Variants in FLNB observed in about 807,000 individuals in gnomAD.
FLNB encodes the protein filamin B.
Under a neutral mutation model 250.6 loss-of-function variants are expected in FLNB, and 111 were observed. The observed-to-expected ratio is 0.44, with a 90% CI of 0.38 to 0.52. The LOEUF (loss-of-function observed/expected upper bound fraction) is 0.52, where lower values mean the gene tolerates loss of function less well. Ranked by LOEUF, FLNB falls within the 20% of genes least tolerant of loss-of-function variation. FLNB has a pLI of 0.00. For synonymous variants in FLNB, 1,302 were observed against 1,372.1 expected, an observed-to-expected ratio of 0.95 and a Z score of 1.13; for missense variants, 2,869 against 3,447.8, an observed-to-expected ratio of 0.83 and a Z score of 4.20.
At chr3:58,028,084 G>A (rs965232768) in intron 1 of FLNB, among the ~76,000 whole-genome samples, 2 of 152,208 alleles carry the variant, frequency 1.3e-5, no homozygotes, top group African/African-American at 4.8e-5. Flanking sequence ...AGAGAATAAC[G>A]TCTTTTTGTG....
chr3:58,147,014 G>T, intron 34 of FLNB, 21 bp downstream of exon 34: 2 of 1,613,064 alleles, frequency 1.2e-6, no homozygotes, highest in Non-Finnish European at 1.7e-6. Flanking sequence ...CTGGCTTCTG[G>T]GGTCTTCCTC....
Position 58,106,742 on chromosome 3 carries a change from T to C in FLNB, c.1810T>C (p.Cys604Arg). The change falls in exon 12 of 46, where the codon TGT (cysteine) becomes CGT (arginine). Residue 604 changes from cysteine to arginine, a missense_variant. Around this residue, in one of 5 missense-constraint regions of FLNB, gnomAD observed 1,348 missense variants for 1,466.7 expected, o/e 0.92. Coordinates refer to ENST00000295956, the MANE Select transcript of FLNB (RefSeq NM_001457.4). Reference sequence around the variant, plus strand: ...GTACAACGACCAGAATGATGGATCGTGTGATGTCAAATACTGGCCCAAGGA... The same window carrying C: ...GTACAACGACCAGAATGATGGATCGCGTGATGTCAAATACTGGCCCAAGGA... ...IEYNDQNDGS[C>R]DVKYWPKEPG... 6.2e-7 allele frequency: 1 copy of C among 1,614,084 alleles called. No homozygotes were observed. The highest frequency in any genetic ancestry group is 8.5e-7 in the Non-Finnish European group (1 of 1,179,982).
intron 19 of FLNB, 139 bp downstream of exon 19, chr3:58,119,128 C>T (rs1446665417): frequency 8.1e-6 from 6 of 742,748 alleles, no homozygotes; most frequent in South Asian, 3.0e-5. Context: ...GACTTTGGTT[C>T]GAATTAAGGC....
chr3:58,076,339 C>T (rs2097201646), intron 1 of FLNB, among the ~76,000 whole-genome samples: 1 of 152,224 alleles, frequency 6.6e-6, no homozygotes, highest in African/African-American at 2.4e-5. Flanking sequence ...CATGTATACA[C>T]ATACACACGT....
At chr3:58,066,746 G>A (rs1409214206) in intron 1 of FLNB, among the ~76,000 whole-genome samples, 3 of 152,108 alleles carry the variant, frequency 2.0e-5, no homozygotes, top group African/African-American at 7.2e-5. Flanking sequence ...TAAAGGCATT[G>A]GGTGATGAAA....
At chr3:58,024,582 C>T (rs1051389820) in intron 1 of FLNB, among the ~76,000 whole-genome samples, 2 of 152,106 alleles carry the variant, frequency 1.3e-5, no homozygotes, top group African/African-American at 4.8e-5. Context: ...GCCAAAGATA[C>T]CGCCTCCTAC....
chr3:58,030,708 T>C (rs2097129639), intron 1 of FLNB, among the ~76,000 whole-genome samples: 1 of 152,136 alleles, frequency 6.6e-6, no homozygotes, highest in African/African-American at 2.4e-5. Context: ...ACCCCATCTC[T>C]ACTAAAAATA....
intron 14 of FLNB, 96 bp from the exon 15 acceptor site, chr3:58,109,480 C>T (rs1035882391): frequency 2.5e-6 from 4 of 1,606,532 alleles, no homozygotes; most frequent in Admixed American, 3.3e-5. Context: ...GTGCTCCAGC[C>T]TGCTCAGAAG....
intron 1 of FLNB, among the ~76,000 whole-genome samples, chr3:58,047,193 G>A (rs1200114919): frequency 6.6e-6 from 1 of 152,126 alleles, no homozygotes; most frequent in East Asian, 1.9e-4. Context: ...AAGAAAGTGT[G>A]TTTTCTTTTA....
chr3:58,074,346 G>A (rs911612738), intron 1 of FLNB, among the ~76,000 whole-genome samples: 1 of 152,216 alleles, frequency 6.6e-6, no homozygotes, highest in African/African-American at 2.4e-5. Context: ...AGGCAGGCAG[G>A]TCTTGCTCCC....
chr3:58,123,273 A>G lies in FLNB; in HGVS notation c.3307A>G (p.Lys1103Glu), dbSNP rs1335600592. 1 of 1,614,126 alleles carries G rather than the reference A, an allele frequency of 6.2e-7. No individual in the cohort carries two copies. The highest frequency in any genetic ancestry group is 2.2e-5 in the East Asian group (1 of 44,872). The change falls in exon 21 of 46, where the codon AAA becomes GAA. Residue 1103 changes from lysine (K) to glutamate (E), a missense_variant. This residue lies in a region of FLNB where 1,348 missense variants were observed against 1,466.7 expected (regional missense o/e 0.92). Transcript: ENST00000295956. ...CTGCTCCGTCTCTTACCTTCCCACA[A>G]AACCCGGGGAGTACTTCGTCAACAT... The part of the protein sequence containing the change: ...GTCSVSYLPT[K>E]PGEYFVNILF...
chr3:58,107,640 C>G (rs1313149404), intron 12 of FLNB, among the ~76,000 whole-genome samples: 5 of 151,642 alleles, frequency 3.3e-5, no homozygotes, highest in Admixed American at 2.0e-4. Context: ...TTTTTTTTTC[C>G]TAGTTCCGTG....
chr3:58,110,430 T>G (rs2097266517), intron 16 of FLNB, among the ~76,000 whole-genome samples: 1 of 150,386 alleles, frequency 6.6e-6, no homozygotes, highest in Non-Finnish European at 1.5e-5. Flanking sequence ...CCCAGCTAAT[T>G]TTTTTTTAAT....
chr3:58,130,054 C>G (rs1450504171), intron 24 of FLNB, among the ~76,000 whole-genome samples: 1 of 152,184 alleles, frequency 6.6e-6, no homozygotes, highest in Non-Finnish European at 1.5e-5. Context: ...AGCTTACACT[C>G]AGGAAGACGG....
At chr3:58,074,502 T>G (rs1198573302) in intron 1 of FLNB, among the ~76,000 whole-genome samples, 1 of 152,172 alleles carries the variant, frequency 6.6e-6, no homozygotes, top group African/African-American at 2.4e-5. Context: ...AGCAAGAGGC[T>G]GTGTGTGAAG....
intron 1 of FLNB, among the ~76,000 whole-genome samples, chr3:58,026,542 G>T (rs1002506810): frequency 1.3e-5 from 2 of 152,200 alleles, no homozygotes; most frequent in African/African-American, 4.8e-5. Context: ...AAGTCGCTGG[G>T]CTAGGGTGAC....
At chr3:58,049,254 T>TAAGG (rs2097158618) in intron 1 of FLNB, among the ~76,000 whole-genome samples, 1 of 152,184 alleles carries the variant, frequency 6.6e-6, no homozygotes, top group Admixed American at 6.5e-5. Context: ...CCCACCGCCT[T>TAAGG]CTCGGGGATG....
At position 58,118,975 on chromosome 3, in the gene FLNB, A is replaced by G. The variant is rs147025168; in HGVS notation, c.2849A>G (p.Asn950Ser). The G allele has an allele frequency of 3.1e-6, 5 of 1,613,094 alleles. No individual in the cohort carries two copies. Among genetic ancestry groups the G allele is most frequent in the African/African-American group, 1.3e-5 (1 of 75,028 alleles). ...APLDLSKIKL[N>S]GLENRVEVGK... The stretch of plus-strand genomic sequence containing the variant: ...CTGGATCTGAGCAAGATAAAACTCA[A>G]TGGGCTGGAAAACAGTAAGTGCCTG... The change falls in exon 19 of 46, where the codon AAT becomes AGT. Residue 950 changes from asparagine (N) to serine (S), a missense_variant. Physicochemically the swap from Asn to Ser is conservative, Grantham distance 46. Around this residue, in one of 5 missense-constraint regions of FLNB, gnomAD observed 1,348 missense variants for 1,466.7 expected, o/e 0.92. Coordinates refer to ENST00000295956, the MANE Select transcript of FLNB (RefSeq NM_001457.4).
At chr3:58,075,626 C>T (rs926466862) in intron 1 of FLNB, among the ~76,000 whole-genome samples, 138 of 152,184 alleles carry the variant, frequency 9.1e-4, no homozygotes, top group African/African-American at 2.0e-3. Context: ...AGGCACCTGA[C>T]GAGAAAGATG....
Sources: gnomAD v4.1 joint callset for allele counts (sites outside exome capture counted in the v4.1 genomes callset) on GRCh38, gnomAD v4.1.1 for gene constraint, gnomAD v4.1.1 regional missense constraint, MANE v1.5 for transcripts, NCBI Gene and HGNC (gene_info 2026-07-23, HGNC 2026-07-21) for gene names.